Variants in NANOS3 observed in about 807,000 individuals in gnomAD.
The protein encoded by NANOS3 is nanos C2HC-type zinc finger 3.
A neutral mutation model predicts 13.8 loss-of-function variants in NANOS3; 11 were observed. That is an observed-to-expected ratio of 0.80 (90% confidence interval 0.50 to 1.32). The LOEUF is 1.32. NANOS3 is among the 40% of genes most tolerant of loss of function. The probability of loss-of-function intolerance (pLI) is 0.00; values close to 1 mark genes in which losing one functional copy is unlikely to be tolerated. For missense variants in NANOS3, 221 were observed against 263.8 expected, an observed-to-expected ratio of 0.84 and a Z score of 1.12; for synonymous variants, 119 against 115.4, an observed-to-expected ratio of 1.03 and a Z score of -0.20.
Position 13,880,508 on chromosome 19 carries a change from C to T in NANOS3, c.*5C>T. On this transcript the variant is annotated 3_prime_UTR_variant, in exon 2 of 2. Transcript: ENST00000339133. ...TCTCCCTCCATGTCCACCTAGGAGG[C>T]TGCCTACACCTGGGCAAGGGCACCC... 1.2e-6 allele frequency: 2 copies of T among 1,612,986 alleles called. No homozygotes were observed.
chr19:13,874,164 GGA>G (rs959411837), upstream of NANOS3, among the ~76,000 whole-genome samples: 3 of 152,180 alleles, frequency 2.0e-5, no homozygotes, highest in Admixed American at 6.5e-5. Flanking sequence ...CTTGTAAAGT[GGA>G]GAGACCTGAC....
Position 13,880,691 on chromosome 19 carries a change from C to T in NANOS3, c.*188C>T. On this transcript the variant is annotated 3_prime_UTR_variant, in exon 2 of 2. Coordinates refer to ENST00000339133, the MANE Select transcript of NANOS3 (RefSeq NM_001098622.3). ...TTGGGGACCCCACCCTTTGTGCCAT[C>T]TGCCGTTTCCCTAGTGCTGGGCATC... is the stretch of plus-strand genomic sequence containing the variant. 1 of 593,238 alleles carries T rather than the reference C, an allele frequency of 1.7e-6. No homozygotes were observed. The highest frequency in any genetic ancestry group is 2.1e-5 in the South Asian group (1 of 48,378). 36.7% of individuals were successfully genotyped at this position (593,238 alleles called of 1,614,324 possible).
At chr19:13,864,057 C>T (rs945316064), upstream of NANOS3, among the ~76,000 whole-genome samples, 3 of 152,110 alleles carry the variant, frequency 2.0e-5, no homozygotes, top group African/African-American at 7.2e-5. Flanking sequence ...CAGCTCAGCC[C>T]GGGCCAATGG....
upstream of NANOS3, among the ~76,000 whole-genome samples, chr19:13,863,597 G>GC (rs567380587): frequency 0.014 from 2,052 of 150,926 alleles, 23 homozygotes; most frequent in Middle Eastern, 0.024. Context: ...GAGCTGACTG[G>GC]CCCCCCCCAA....
In NANOS3 at chr19:13,877,714, A is replaced by G. The variant is rs760741253; in HGVS notation, c.466A>G (p.Lys156Glu). 3.7e-6 allele frequency: 6 copies of G among 1,603,754 alleles called. No homozygotes were observed. The highest frequency in any genetic ancestry group is 4.5e-5 in the East Asian group (2 of 44,478). ...SAGKKLVRPDKAKTQDTGHRR... is the reference protein window; with the variant it reads ...SAGKKLVRPDEAKTQDTGHRR... ...AGGCAAGAAGCTGGTCCGGCCTGAC[A>G]AGGCGAAGACACAGGACACAGGCCA... The change falls in exon 1 of 2, where the codon AAG becomes GAG. Residue 156 changes from lysine (K) to glutamate (E), a missense_variant. By Grantham distance (56) the Lys-to-Glu change is moderately conservative (BLOSUM62 1). Transcript: ENST00000339133.
chr19:13,867,583 A>T (rs1976261688), intron 1 of NANOS3, among the ~76,000 whole-genome samples: 1 of 151,744 alleles, frequency 6.6e-6, no homozygotes, highest in African/African-American at 2.4e-5. Flanking sequence ...GTTTTTTGAG[A>T]CAGGGTCTGG....
At position 13,865,655 on chromosome 19, in the gene NANOS3, C is replaced by T. The variant is rs546155697; in HGVS notation, n.21+218C>T. Among the ~76,000 whole-genome samples, 536 of 148,132 alleles carry T rather than the reference C, an allele frequency of 3.6e-3. 2 individuals carry two copies. Among genetic ancestry groups the T allele is most frequent in the African/African-American group, 0.012 (497 of 40,306 alleles). ...CCCCGGCGGCATCTCTGCGTCTCGCCTTTCCGGAGAGGGGGCGCCGGGAGG... is the reference window on the plus strand; with the variant it reads ...CCCCGGCGGCATCTCTGCGTCTCGCTTTTCCGGAGAGGGGGCGCCGGGAGG... On this transcript the variant is annotated intron_variant and non_coding_transcript_variant, in intron 1 of 2. Coordinates refer to the NANOS3 transcript ENST00000591161.
At chr19:13,863,756 G>A (rs1312284180), upstream of NANOS3, among the ~76,000 whole-genome samples, 1 of 152,154 alleles carries the variant, frequency 6.6e-6, no homozygotes, top group Admixed American at 6.6e-5. Flanking sequence ...TGGGGTTGGG[G>A]GTCGGGGGAG....
At chr19:13,879,485 CAA>C (rs1641342484) in intron 1 of NANOS3, among the ~76,000 whole-genome samples, 1 of 152,134 alleles carries the variant, frequency 6.6e-6, no homozygotes, top group Non-Finnish European at 1.5e-5. Context: ...CCTGTAATCC[CAA>C]TACTTTGGGA....
At chr19:13,870,734 CT>C (rs1217053918) in intron 1 of NANOS3, among the ~76,000 whole-genome samples, 9 of 150,202 alleles carry the variant, frequency 6.0e-5, no homozygotes, top group Admixed American at 3.3e-4. Context: ...TGCCTGGCTA[CT>C]TTTTTTTTGT....
At chr19:13,866,634 G>A (rs558047737) in intron 1 of NANOS3, among the ~76,000 whole-genome samples, 2 of 152,336 alleles carry the variant, frequency 1.3e-5, no homozygotes, top group South Asian at 2.1e-4. Flanking sequence ...AGCCACCAAC[G>A]AAGGCAGCTA....
upstream of NANOS3, among the ~76,000 whole-genome samples, chr19:13,863,562 G>A (rs536976639): frequency 2.8e-4 from 42 of 151,832 alleles, no homozygotes; most frequent in Non-Finnish European, 4.4e-4. Context: ...GCAGGGGGGC[G>A]GGCGGCACAG....
upstream of NANOS3, among the ~76,000 whole-genome samples, chr19:13,874,178 A>AC (rs1264392791): frequency 6.9e-6 from 1 of 145,036 alleles, no homozygotes; most frequent in African/African-American, 2.6e-5. Flanking sequence ...AGACCTGACG[A>AC]CCCCCCACCC....
At chr19:13,878,221 C>T (rs918043329) in intron 1 of NANOS3, among the ~76,000 whole-genome samples, 5 of 150,572 alleles carry the variant, frequency 3.3e-5, no homozygotes, top group South Asian at 2.1e-4. Context: ...AGCACCGCAC[C>T]GAGCCAGTTT....
chr19:13,864,064 A>G (rs963696660), upstream of NANOS3, among the ~76,000 whole-genome samples: 1 of 152,096 alleles, frequency 6.6e-6, no homozygotes, highest in Non-Finnish European at 1.5e-5. Context: ...GCCCGGGCCA[A>G]TGGGAGGCTG....
In NANOS3 at chr19:13,880,582, A is replaced by G. The variant is rs571867264; in HGVS notation, c.*79A>G. ...GACCCACCCTATGACGACTGCCCCC[A>G]CTCCCAGACCCTCCCCCCAGCCTGG... On this transcript the variant is annotated 3_prime_UTR_variant, in exon 2 of 2. Coordinates refer to ENST00000339133, the MANE Select transcript of NANOS3 (RefSeq NM_001098622.3). 24 of 1,207,602 alleles carry G rather than the reference A, an allele frequency of 2.0e-5. No individual in the cohort carries two copies. Among genetic ancestry groups the G allele is most frequent in the South Asian group, 1.9e-4 (15 of 80,560 alleles). The allele number at this position is 1,207,602 out of a possible 1,614,324, so 74.8% of individuals were successfully genotyped here.
chr19:13,874,184 C>A (rs990991031), upstream of NANOS3, among the ~76,000 whole-genome samples: 9 of 152,192 alleles, frequency 5.9e-5, no homozygotes, highest in African/African-American at 2.2e-4. Context: ...GACGACCCCC[C>A]ACCCCCAAGC....
chr19:13,879,955 G>A (rs1446032187), intron 1 of NANOS3, among the ~76,000 whole-genome samples: 1 of 152,194 alleles, frequency 6.6e-6, no homozygotes, highest in African/African-American at 2.4e-5. Context: ...GAACCCGGGA[G>A]GTGGAGGTCG....
At chr19:13,864,084 A>G (rs1478634839), upstream of NANOS3, among the ~76,000 whole-genome samples, 3 of 152,012 alleles carry the variant, frequency 2.0e-5, no homozygotes, top group Admixed American at 6.6e-5. Flanking sequence ...GCCTGGCGCC[A>G]TGGTTTGCCC....
Sources: gnomAD v4.1 joint callset for allele counts (sites outside exome capture counted in the v4.1 genomes callset) on GRCh38, gnomAD v4.1.1 for gene constraint, MANE v1.5 for transcripts, NCBI Gene and HGNC (gene_info 2026-07-23, HGNC 2026-07-21) for gene names.